COL22A1: variants seen among roughly 807,000 people sequenced by gnomAD.
COL22A1 encodes collagen type XXII alpha 1 chain.
In COL22A1, 221 loss-of-function variants were observed where a neutral mutation model predicts 248.9. The ratio of observed to expected loss-of-function variants is 0.89; its 90% CI spans 0.80 to 0.99. The LOEUF (loss-of-function observed/expected upper bound fraction) is 0.99. COL22A1 is among the 50% of genes least tolerant of loss of function. COL22A1 has a pLI of 0.00. For missense variants in COL22A1, 2,240 were observed against 2,179.0 expected, an observed-to-expected ratio of 1.03 and a Z score of -0.56; for synonymous variants, 891 against 793.4, an observed-to-expected ratio of 1.12 and a Z score of -2.07.
At chr8:138,760,952 C>T (rs913276995) in intron 17 of COL22A1, among the ~76,000 whole-genome samples, 4 of 151,974 alleles carry the variant, frequency 2.6e-5, no homozygotes, top group Non-Finnish European at 2.9e-5. Flanking sequence ...TCACAGACCC[C>T]AGGGAGGGCC....
intron 47 of COL22A1, among the ~76,000 whole-genome samples, chr8:138,637,113 C>T (rs1437974323): frequency 6.6e-6 from 1 of 152,090 alleles, no homozygotes; most frequent in Non-Finnish European, 1.5e-5. Context: ...GTTGTAGGCA[C>T]TGGAAACCAT....
intron 11 of COL22A1, among the ~76,000 whole-genome samples, chr8:138,801,804 T>C (rs1199492243): frequency 6.6e-6 from 1 of 151,844 alleles, no homozygotes; most frequent in East Asian, 1.9e-4. Context: ...CGCTTGAACT[T>C]GGGAGGCGGA....
chr8:138,670,530 G>A (rs1330542205), intron 41 of COL22A1, among the ~76,000 whole-genome samples: 3 of 152,118 alleles, frequency 2.0e-5, no homozygotes, highest in East Asian at 3.9e-4. Flanking sequence ...CTAATTCTTG[G>A]GACAGCGTCA....
At chr8:138,813,995 A>C (rs1403028931) in intron 7 of COL22A1, among the ~76,000 whole-genome samples, 1 of 152,264 alleles carries the variant, frequency 6.6e-6, no homozygotes, top group Non-Finnish European at 1.5e-5. Context: ...GTAACACGTA[A>C]AAAACCTAAA....
intron 3 of COL22A1, among the ~76,000 whole-genome samples, chr8:138,844,506 TG>T (rs1425470064): frequency 6.6e-6 from 1 of 152,128 alleles, no homozygotes; most frequent in Admixed American, 6.5e-5. Context: ...TGCCTGCTGC[TG>T]GGGGGTTCAG....
intron 18 of COL22A1, among the ~76,000 whole-genome samples, chr8:138,758,009 G>A (rs545157165): frequency 7.0e-4 from 107 of 152,290 alleles, no homozygotes; most frequent in Non-Finnish European, 1.1e-3. Flanking sequence ...TCCAAGATTC[G>A]GTGATAAAAA....
chr8:138,719,433 C>T (rs192868740), intron 27 of COL22A1, among the ~76,000 whole-genome samples: 63 of 152,242 alleles, frequency 4.1e-4, no homozygotes, highest in African/African-American at 1.3e-3. Context: ...GGGCTGAGTT[C>T]CTCGGATCTG....
chr8:138,748,767 G>A (rs1392082081), intron 22 of COL22A1, among the ~76,000 whole-genome samples: 1 of 152,166 alleles, frequency 6.6e-6, no homozygotes, highest in Non-Finnish European at 1.5e-5. Flanking sequence ...ATGGGTGGCT[G>A]GTATTCCTCA....
intron 47 of COL22A1, among the ~76,000 whole-genome samples, chr8:138,645,456 C>T (rs763425305): frequency 6.6e-6 from 1 of 152,146 alleles, no homozygotes; most frequent in African/African-American, 2.4e-5. Flanking sequence ...ATAAATTACT[C>T]GATGTTGCAT....
At chr8:138,644,757 A>G (rs1210696591) in intron 47 of COL22A1, among the ~76,000 whole-genome samples, 6 of 152,208 alleles carry the variant, frequency 3.9e-5, no homozygotes, top group Non-Finnish European at 7.3e-5. Context: ...GTAAAGATTC[A>G]TGACTTCTCC....
Position 138,596,999 on chromosome 8 carries a change from A to G in COL22A1, c.4366-29T>C, listed in dbSNP as rs186247823. On this transcript the variant is annotated intron_variant, in intron 61 of 64. Transcript: ENST00000303045. ...GGAGGGAGGGAAGGTGGAGTCATTCATCTTCCCAGTAACTTCTGCCACCTA... is the reference window on the plus strand; with the variant it reads ...GGAGGGAGGGAAGGTGGAGTCATTCGTCTTCCCAGTAACTTCTGCCACCTA... The G allele has an allele frequency of 3.1e-6, 5 of 1,599,092 alleles. No homozygotes were observed. In the Admixed American group the frequency reaches 5.0e-5, roughly 16 times the overall value.
chr8:138,821,934 G>A (rs1373156358), intron 6 of COL22A1, among the ~76,000 whole-genome samples: 4 of 152,208 alleles, frequency 2.6e-5, no homozygotes, highest in African/African-American at 9.6e-5. Flanking sequence ...TGATAGCAGA[G>A]GTCTGACCTG....
At chr8:138,701,960 G>A (rs118110732) in intron 31 of COL22A1, among the ~76,000 whole-genome samples, 141 of 152,280 alleles carry the variant, frequency 9.3e-4, no homozygotes, top group Middle Eastern at 3.4e-3. Context: ...CAGATATTTT[G>A]TGATTCACTT....
intron 3 of COL22A1, among the ~76,000 whole-genome samples, chr8:138,863,476 G>C (rs983687122): frequency 6.6e-5 from 10 of 152,178 alleles, no homozygotes; most frequent in Non-Finnish European, 1.3e-4. Context: ...TCTGCTCAGG[G>C]ATGGTGTTGG....
intron 42 of COL22A1, 152 bp from the exon 43 acceptor site, chr8:138,662,235 G>A: frequency 1.6e-6 from 1 of 623,598 alleles, no homozygotes; most frequent in South Asian, 2.0e-5. Flanking sequence ...CCTGCTCAGA[G>A]CTTACTCAAC....
intron 18 of COL22A1, among the ~76,000 whole-genome samples, chr8:138,757,983 G>A (rs187349058): frequency 1.3e-5 from 2 of 152,202 alleles, no homozygotes; most frequent in Non-Finnish European, 2.9e-5. Context: ...AACAGCAGAC[G>A]TGCTGGGAGG....
chr8:138,850,054 T>A (rs1821513976), intron 3 of COL22A1, among the ~76,000 whole-genome samples: 1 of 152,200 alleles, frequency 6.6e-6, no homozygotes, highest in Non-Finnish European at 1.5e-5. Context: ...AAATTGTTAT[T>A]AACCACATCT....
intron 39 of COL22A1, among the ~76,000 whole-genome samples, chr8:138,682,803 G>A (rs1363680698): frequency 1.3e-5 from 2 of 152,116 alleles, no homozygotes; most frequent in Non-Finnish European, 2.9e-5. Flanking sequence ...GAGTTCAAGC[G>A]ATTCTCCTGC....
intron 33 of COL22A1, 124 bp from the exon 34 acceptor site, chr8:138,694,685 T>TGAG: frequency 7.3e-7 from 1 of 1,363,604 alleles, no homozygotes; most frequent in Non-Finnish European, 1.0e-6. Context: ...GCTAGCGTCC[T>TGAG]GAGGAGAAGA....
Sources: allele counts gnomAD v4.1 joint callset (sites outside exome capture counted in the v4.1 genomes callset), GRCh38; gene constraint gnomAD v4.1.1; transcripts MANE v1.5; gene names NCBI Gene and HGNC (gene_info 2026-07-23, HGNC 2026-07-21).